LRMDA: variants seen among roughly 807,000 people sequenced by gnomAD.
The protein encoded by LRMDA is leucine-rich melanocyte differentiation-associated protein.
A neutral mutation model predicts 29.8 loss-of-function variants in LRMDA; 18 were observed. The ratio of observed to expected loss-of-function variants is 0.60; its 90% CI spans 0.42 to 0.90. The LOEUF (loss-of-function observed/expected upper bound fraction) is 0.90. Among genes scored for constraint, LRMDA ranks in the 40% least tolerant of loss-of-function variants. The pLI, the probability that LRMDA is intolerant of heterozygous loss-of-function variation, is 0.00. For synonymous variants in LRMDA, 125 were observed against 109.4 expected (o/e 1.14, Z -0.89); for missense variants, 273 against 273.9 (o/e 1.00, Z 0.02).
chr10:75,876,419 CAGAA>C (rs1845199247), intron 2 of LRMDA, among the ~76,000 whole-genome samples: 2 of 152,100 alleles, frequency 1.3e-5, no homozygotes, highest in Admixed American at 6.5e-5. Context: ...AAGAGAGAGA[CAGAA>C]AGAGAAGGAG....
intron 6 of LRMDA, among the ~76,000 whole-genome samples, chr10:76,449,564 T>TA (rs942712307): frequency 1.3e-5 from 2 of 151,970 alleles, no homozygotes; most frequent in African/African-American, 4.8e-5. Context: ...TAGGAAAACT[T>TA]AAGGCATTCA....
intron 2 of LRMDA, among the ~76,000 whole-genome samples, chr10:75,991,020 T>A (rs368012144): frequency 6.6e-6 from 1 of 152,172 alleles, no homozygotes; most frequent in African/African-American, 2.4e-5. Flanking sequence ...AAAGTGAAGG[T>A]GATATCTCAC....
At chr10:75,805,124 C>T (rs76698282) in intron 2 of LRMDA, among the ~76,000 whole-genome samples, 3,987 of 152,198 alleles carry the variant, frequency 0.026, 156 homozygotes, top group African/African-American at 0.088. Flanking sequence ...GCTGGTGTGG[C>T]GATGATTTTC....
intron 2 of LRMDA, among the ~76,000 whole-genome samples, chr10:75,564,792 A>G (rs933542236): frequency 1.3e-5 from 2 of 152,222 alleles, no homozygotes; most frequent in Non-Finnish European, 2.9e-5. Flanking sequence ...TTGGGTCAGT[A>G]TGACCATGGT....
rs369017360 is a variant in LRMDA, at chr10:75,852,027, C to G, written c.132-183981C>G. Among the ~76,000 whole-genome samples, 19 of 152,306 alleles carry G rather than the reference C, an allele frequency of 1.2e-4. No homozygotes were observed. The East Asian group carries it at 3.7e-3, about 29-fold the overall frequency. On this transcript the variant is annotated intron_variant, in intron 2 of 6. Transcript: ENST00000611255. ...AATTGGAGTGGGCAATTCCCCACCC[C>G]CTTCTCTAGAACAGATATCCTCATG... is the stretch of plus-strand genomic sequence containing the variant.
In LRMDA at chr10:75,876,802, C is replaced by T. The variant is rs572669604; in HGVS notation, c.132-159206C>T. Among the ~76,000 whole-genome samples, 21 of 152,262 alleles carry T rather than the reference C, an allele frequency of 1.4e-4. No homozygotes were observed. In the South Asian group the frequency reaches 3.1e-3, roughly 23 times the overall value. On this transcript the variant is annotated intron_variant, in intron 2 of 6. Coordinates refer to ENST00000611255, the MANE Select transcript of LRMDA (RefSeq NM_001305581.2). The stretch of plus-strand genomic sequence containing the variant: ...TTCAATAACTACGATTAAGTGCTTC[C>T]TTAGTGTTTGGCATTTTGTGAAGCA...
intron 2 of LRMDA, among the ~76,000 whole-genome samples, chr10:75,702,813 T>G (rs1842324851): frequency 6.6e-6 from 1 of 152,224 alleles, no homozygotes; most frequent in Non-Finnish European, 1.5e-5. Context: ...GGTATAGTTT[T>G]CATGTGTGTG....
intron 2 of LRMDA, among the ~76,000 whole-genome samples, chr10:75,536,334 C>T (rs1434546531): frequency 2.6e-5 from 4 of 152,156 alleles, no homozygotes; most frequent in Non-Finnish European, 5.9e-5. Context: ...TGGCCTGGCT[C>T]TGTGCTTGTC....
At chr10:75,844,716 A>C (rs984016662) in intron 2 of LRMDA, among the ~76,000 whole-genome samples, 2 of 152,240 alleles carry the variant, frequency 1.3e-5, no homozygotes, top group Non-Finnish European at 2.9e-5. Flanking sequence ...GCTGCAAATG[A>C]GAGTAAGGGA....
At chr10:76,434,304 T>C (rs1371126977) in intron 6 of LRMDA, among the ~76,000 whole-genome samples, 2 of 152,064 alleles carry the variant, frequency 1.3e-5, no homozygotes, top group Non-Finnish European at 2.9e-5. Flanking sequence ...TCTCTTTTTT[T>C]CTCTCTCTCT....
intron 2 of LRMDA, among the ~76,000 whole-genome samples, chr10:75,579,895 T>TA (rs1452798383): frequency 6.6e-6 from 1 of 152,188 alleles, no homozygotes; most frequent in Non-Finnish European, 1.5e-5. Context: ...AAACTCTCAA[T>TA]AAACCAGATA....
At chr10:76,206,477 C>A (rs2132239512) in intron 5 of LRMDA, among the ~76,000 whole-genome samples, 1 of 152,306 alleles carries the variant, frequency 6.6e-6, no homozygotes, top group South Asian at 2.1e-4. Flanking sequence ...GGACTGGGAA[C>A]TCCTGGAGGA....
At chr10:76,073,892 G>A (rs1322954343) in intron 5 of LRMDA, among the ~76,000 whole-genome samples, 1 of 152,176 alleles carries the variant, frequency 6.6e-6, no homozygotes, top group Non-Finnish European at 1.5e-5. Flanking sequence ...TAGTCCTAGG[G>A]AATTACGGGT....
At chr10:76,425,608 TA>T (rs1272133731) in intron 6 of LRMDA, among the ~76,000 whole-genome samples, 2 of 151,714 alleles carry the variant, frequency 1.3e-5, no homozygotes, top group African/African-American at 2.4e-5. Context: ...TTTTCATATA[TA>T]TTTTTTATTA....
intron 2 of LRMDA, among the ~76,000 whole-genome samples, chr10:75,441,773 T>G (rs920380050): frequency 2.0e-5 from 3 of 152,096 alleles, no homozygotes; most frequent in Non-Finnish European, 2.9e-5. Context: ...TTTCTTTTTT[T>G]TTTTCCTCCA....
At chr10:75,631,697 C>T (rs1049008074) in intron 2 of LRMDA, among the ~76,000 whole-genome samples, 1 of 152,222 alleles carries the variant, frequency 6.6e-6, no homozygotes, top group African/African-American at 2.4e-5. Flanking sequence ...GCCATCAGCG[C>T]CACAGTGAAG....
intron 5 of LRMDA, among the ~76,000 whole-genome samples, chr10:76,132,966 C>CTCTT (rs1850023070): frequency 3.5e-5 from 2 of 57,372 alleles, no homozygotes; most frequent in Non-Finnish European, 3.1e-5. Context: ...CCACGCCCGG[C>CTCTT]TTTTTTTTTT....
intron 2 of LRMDA, among the ~76,000 whole-genome samples, chr10:75,768,360 C>A (rs2132232906): frequency 6.6e-6 from 1 of 152,250 alleles, no homozygotes; most frequent in Admixed American, 6.5e-5. Context: ...CTATTTTATT[C>A]CCATAAGAAC....
At chr10:75,899,717 CT>C (rs1845639623) in intron 2 of LRMDA, among the ~76,000 whole-genome samples, 1 of 152,172 alleles carries the variant, frequency 6.6e-6, no homozygotes. Context: ...CCATTCATGG[CT>C]TTGGTACAGG....
Sources: gnomAD v4.1 joint callset for allele counts (sites outside exome capture counted in the v4.1 genomes callset) on GRCh38, gnomAD v4.1.1 for gene constraint, MANE v1.5 for transcripts, NCBI Gene and HGNC (gene_info 2026-07-23, HGNC 2026-07-21) for gene names.